Variants in C9orf72 observed in about 807,000 individuals in gnomAD.
The protein encoded by C9orf72 is C9orf72-SMCR8 complex subunit.
Under a neutral mutation model 51.6 loss-of-function variants are expected in C9orf72, and 44 were observed. The observed-to-expected ratio is 0.85, with a 90% CI of 0.67 to 1.10. C9orf72 has a LOEUF of 1.10. Ranked by LOEUF, C9orf72 falls within the 50% of genes least tolerant of loss-of-function variation. C9orf72 has a pLI of 0.00. For synonymous variants in C9orf72, 213 were observed against 194.2 expected (o/e 1.10, Z -0.81); for missense variants, 607 against 570.6 (o/e 1.06, Z -0.65).
Position 27,562,479 on chromosome 9 carries a change from G to T in C9orf72, c.505-3C>A. On this transcript the variant is annotated splice_polypyrimidine_tract_variant and splice_region_variant and intron_variant, in intron 3 of 10. Transcript: ENST00000380003. ...AGCATTGGAATAATACTCTGACCCT[G>T]CACAATAAAGTGACATGAAGTGAAG... The T allele has an allele frequency of 6.7e-7, 1 of 1,499,380 alleles. No individual in the cohort carries two copies. 92.9% of individuals were successfully genotyped at this position (1,499,380 alleles called of 1,614,324 possible).
chr9:27,567,030 C>T lies in C9orf72; in HGVS notation c.91G>A (p.Ala31Thr). ...GKSPLLAATF[A>T]YWDNILGPRV... ...GGACCAAGAATATTGTCCCAGTAAGCAAAAGTAGCTGCTAATAAAGGTGAT... is the reference window on the plus strand; with the variant it reads ...GGACCAAGAATATTGTCCCAGTAAGTAAAAGTAGCTGCTAATAAAGGTGAT... Residue 31 changes from alanine (A) to threonine (T), a missense_variant, in exon 2 of 11, where the codon GCT becomes ACT. By Grantham distance (58) the Ala-to-Thr change is moderately conservative. Coordinates refer to ENST00000380003, the MANE Select transcript of C9orf72 (RefSeq NM_018325.5). 6.2e-7 allele frequency: 1 copy of T among 1,614,010 alleles called. No individual in the cohort carries two copies. Among genetic ancestry groups the T allele is most frequent in the African/African-American group, 1.3e-5 (1 of 75,022 alleles).
At chr9:27,563,757 A>C (rs2484319) in intron 3 of C9orf72, among the ~76,000 whole-genome samples, 31,077 of 151,856 alleles carry the variant, frequency 0.2, 3,329 homozygotes, top group Middle Eastern at 0.28. Flanking sequence ...TTAAAAAAAA[A>C]CCATCCTTTA....
At chr9:27,556,018 C>T (rs1269438471) in intron 8 of C9orf72, among the ~76,000 whole-genome samples, 6 of 146,166 alleles carry the variant, frequency 4.1e-5, no homozygotes, top group Non-Finnish European at 7.5e-5. Flanking sequence ...ATTATCATTA[C>T]TTTTCCTTTT....
rs185236693 is a variant in C9orf72, at chr9:27,550,724, A to G, written c.1092-17T>C. On this transcript the variant is annotated splice_polypyrimidine_tract_variant and intron_variant, in intron 8 of 10. Transcript: ENST00000380003. ...AAAATATTCCTGAAGAAAAGAAGAAAATGAAGAAAAGAAAAAAGTTCAAAT... is the reference window on the plus strand; with the variant it reads ...AAAATATTCCTGAAGAAAAGAAGAAGATGAAGAAAAGAAAAAAGTTCAAAT... 1.1e-4 allele frequency: 170 copies of G among 1,522,230 alleles called. No homozygotes were observed. In the African/African-American group the frequency reaches 1.9e-3, roughly 17 times the overall value. The allele number at this position is 1,522,230 out of a possible 1,614,324, so 94.3% of individuals were successfully genotyped here.
chr9:27,552,302 T>C (rs1411914294), intron 8 of C9orf72, among the ~76,000 whole-genome samples: 1 of 151,930 alleles, frequency 6.6e-6, no homozygotes, highest in Non-Finnish European at 1.5e-5. Context: ...ATGGTTCTTA[T>C]TTTTTTGAGG....
Position 27,550,709 on chromosome 9 carries a change from T to C in C9orf72, c.1092-2A>G, listed in dbSNP as rs368796530. ...TGTAAGACATCTTGAAAAATATTCC[T>C]GAAGAAAAGAAGAAAATGAAGAAAA... On this transcript the variant is annotated splice_acceptor_variant, in intron 8 of 10. Coordinates refer to ENST00000380003, the MANE Select transcript of C9orf72 (RefSeq NM_018325.5). LOFTEE classifies it high-confidence loss of function. The C allele has an allele frequency of 4.5e-6, 7 of 1,564,448 alleles. No homozygotes were observed. The highest frequency in any genetic ancestry group is 5.2e-6 in the Non-Finnish European group (6 of 1,146,382).
At position 27,566,885 on chromosome 9, in the gene C9orf72, G is replaced by A; in HGVS notation, c.236C>T (p.Ala79Val). 6.2e-7 allele frequency: 1 copy of A among 1,613,764 alleles called. No homozygotes were observed. Among genetic ancestry groups the A allele is most frequent in the Non-Finnish European group, 8.5e-7 (1 of 1,179,762 alleles). Residue 79 changes from alanine to valine, a missense_variant, in exon 2 of 11, where the codon GCT becomes GTT. Coordinates refer to ENST00000380003, the MANE Select transcript of C9orf72 (RefSeq NM_018325.5). ...CAAGACAAAAAACTTTACATCTATA[G>A]CACCACTCTCTGCATTTCGAAGGAT... Reference protein sequence around the residue: ...GEILRNAESGAIDVKFFVLSE... With the variant: ...GEILRNAESGVIDVKFFVLSE...
chr9:27,557,596 A>G (rs962844601), intron 7 of C9orf72, among the ~76,000 whole-genome samples: 4 of 152,132 alleles, frequency 2.6e-5, no homozygotes, highest in African/African-American at 9.6e-5. Context: ...CTAAAATTAT[A>G]TAATTAAATG....
At chr9:27,548,768 A>T in intron 9 of C9orf72, 102 bp from the exon 10 acceptor site, 1 of 673,450 alleles carries the variant, frequency 1.5e-6, no homozygotes, top group South Asian at 1.7e-5. Flanking sequence ...AATACACACT[A>T]AACATCTCCT....
chr9:27,567,676 A>C (rs1447874047), intron 1 of C9orf72, among the ~76,000 whole-genome samples: 2 of 152,206 alleles, frequency 1.3e-5, no homozygotes, highest in Non-Finnish European at 2.9e-5. Flanking sequence ...ATGTGACCTT[A>C]TCTAGAAATA....
At chr9:27,572,196 G>T (rs759550941) in intron 1 of C9orf72, among the ~76,000 whole-genome samples, 2 of 152,192 alleles carry the variant, frequency 1.3e-5, no homozygotes, top group Non-Finnish European at 2.9e-5. Flanking sequence ...CTGGCTTAGT[G>T]AACAATCTGG....
rs1302500400 is a variant in C9orf72, at chr9:27,547,667, A to G, written c.*569T>C. 6.6e-6 allele frequency: 1 copy of G among 152,556 alleles called. No homozygotes were observed. Among genetic ancestry groups the G allele is most frequent in the African/African-American group, 2.4e-5 (1 of 41,474 alleles). The allele number at this position is 152,556 out of a possible 1,614,324, so 9.5% of individuals were successfully genotyped here. ...TTCTACAGACTGAATCCCAGGGACT[A>G]AATCCACAAAGTAGGATCTAATAAT... is the stretch of plus-strand genomic sequence containing the variant. On this transcript the variant is annotated 3_prime_UTR_variant, in exon 11 of 11. Transcript: ENST00000380003.
chr9:27,554,527 G>T (rs1012529956), intron 8 of C9orf72: 16 of 397,950 alleles, frequency 4.0e-5, no homozygotes, highest in Non-Finnish European at 6.6e-5. Context: ...TACCTATTGG[G>T]TACTATGCTT....
Position 27,556,729 on chromosome 9 carries a change from A to G in C9orf72, c.923T>C (p.Ile308Thr). The G allele has an allele frequency of 1.2e-6, 2 of 1,613,994 alleles. No individual in the cohort carries two copies. Among genetic ancestry groups the G allele is most frequent in the Non-Finnish European group, 1.7e-6 (2 of 1,179,906 alleles). Residue 308 changes from isoleucine (I) to threonine (T), a missense_variant, in exon 8 of 11, where the codon ATA (isoleucine) becomes ACA (threonine). Transcript: ENST00000380003. The stretch of plus-strand genomic sequence containing the variant: ...CTTCACAGTATTGACATCCACATCT[A>G]TGTGTGTGGTGGGATATGGAGCATA... ...VMYAPYPTTH[I>T]DVDVNTVKQM...
At chr9:27,560,773 T>C (rs1819323903) in intron 5 of C9orf72, 1 of 983,972 alleles carries the variant, frequency 1.0e-6, no homozygotes, top group Non-Finnish European at 1.2e-6. Context: ...ACTGTGAACA[T>C]AAAAGTGAAT....
Position 27,556,666 on chromosome 9 carries a change from C to T in C9orf72, c.986G>A (p.Arg329His), listed in dbSNP as rs201961571. 9.2e-5 allele frequency: 148 copies of T among 1,613,688 alleles called. 1 individual carries two copies. The highest frequency in any genetic ancestry group is 7.5e-5 in the Non-Finnish European group (89 of 1,179,818). Residue 329 changes from arginine to histidine, a missense_variant, in exon 8 of 11, where the codon CGT becomes CAT. By Grantham distance (29) the Arg-to-His change is conservative (BLOSUM62 0). Transcript: ENST00000380003. ...PPCHEHIYNQ[R>H]RYMRSELTAF... ...TGTCAGCTCGGATCTCATGTATCTA[C>T]GCTGATTATAAATATGTTCATGACA...
At position 27,565,583 on chromosome 9, in the gene C9orf72, T is replaced by C; in HGVS notation, c.452A>G (p.Gln151Arg). Reference protein sequence around the residue: ...KGRIWMHKERQENVQKIILEG... With the variant: ...KGRIWMHKERRENVQKIILEG... ...TAAGATAATCTTCTGGACATTTTCT[T>C]GTCTTTCCTGAGCAAGAGAAAATTT... Residue 151 changes from glutamine (Q) to arginine (R), a missense_variant, in exon 3 of 11, where the codon CAA (glutamine) becomes CGA (arginine). Physicochemically the swap from Gln to Arg is conservative, Grantham distance 43 (BLOSUM62 1). Coordinates refer to ENST00000380003, the MANE Select transcript of C9orf72 (RefSeq NM_018325.5). 6.2e-7 allele frequency: 1 copy of C among 1,601,598 alleles called. No individual in the cohort carries two copies. The highest frequency in any genetic ancestry group is 1.1e-5 in the South Asian group (1 of 90,596).
rs765027504 is a variant in C9orf72, at chr9:27,547,848, A to G, written c.*388T>C. On this transcript the variant is annotated 3_prime_UTR_variant, in exon 11 of 11. Coordinates refer to ENST00000380003, the MANE Select transcript of C9orf72 (RefSeq NM_018325.5). ...GTAATTCTACACACCAAAGAATGCCAAAAGATAGAAAGTCAACTATCTGTA... is the reference window on the plus strand; with the variant it reads ...GTAATTCTACACACCAAAGAATGCCGAAAGATAGAAAGTCAACTATCTGTA... 6.5e-6 allele frequency: 1 copy of G among 154,524 alleles called. No homozygotes were observed. The highest frequency in any genetic ancestry group is 1.4e-5 in the Non-Finnish European group (1 of 69,368). 9.6% of individuals were successfully genotyped at this position (154,524 alleles called of 1,614,324 possible).
chr9:27,573,843 C>G (rs975879703), upstream of C9orf72: 3 of 152,244 alleles, frequency 2.0e-5, no homozygotes, highest in African/African-American at 7.2e-5. Flanking sequence ...CCTCTCTTTC[C>G]TAGCGGGACA....
Sources: gnomAD v4.1 joint callset for allele counts (sites outside exome capture counted in the v4.1 genomes callset) on GRCh38, gnomAD v4.1.1 for gene constraint, MANE v1.5 for transcripts, NCBI Gene and HGNC (gene_info 2026-07-23, HGNC 2026-07-21) for gene names.